Variants in PIWIL1 observed in about 807,000 individuals in gnomAD.
PIWIL1 encodes the protein piwi like RNA-mediated gene silencing 1, also known as piwi-like protein 1.
Under a neutral mutation model 114.4 loss-of-function variants are expected in PIWIL1, and 73 were observed. That is an observed-to-expected ratio of 0.64 (90% CI 0.53 to 0.78). The LOEUF (loss-of-function observed/expected upper bound fraction) is 0.78, where lower values mean the gene tolerates loss of function less well. PIWIL1 is among the 30% of genes least tolerant of loss of function. The probability of loss-of-function intolerance (pLI) is 0.00; values close to 1 mark genes in which losing one functional copy is unlikely to be tolerated. For missense variants in PIWIL1, 723 were observed against 1,063.1 expected (o/e 0.68, Z 4.45); for synonymous variants, 375 against 369.0 (o/e 1.02, Z -0.19).
At position 130,345,780 on chromosome 12, in the gene PIWIL1, A is replaced by G; in HGVS notation, c.218A>G (p.Glu73Gly). ...CTCCAGATATCTGCTGGATTTCAGG[A>G]GTTATCGTTAGCAGAGAGAGGAGGT... ...QGLQISAGFQ[E>G]LSLAERGGRR... Residue 73 changes from glutamate (E) to glycine (G), a missense_variant, in exon 4 of 21, where the codon GAG becomes GGG. By Grantham distance (98) the Glu-to-Gly change is moderately conservative. This residue lies in a region of PIWIL1 where 190 missense variants were observed against 294.4 expected (regional missense o/e 0.65). Transcript: ENST00000245255. 1 of 1,614,012 alleles carries G rather than the reference A, an allele frequency of 6.2e-7. No individual in the cohort carries two copies.
At chr12:130,410,911 C>T in the PIWIL1 span, among the ~76,000 whole-genome samples, 1 of 152,194 alleles carries the variant, frequency 6.6e-6, no homozygotes, top group Non-Finnish European at 1.5e-5. Context: ...GCACAGATTT[C>T]GAATGGTCTT....
chr12:130,365,984 T>C (rs2073644888), intron 18 of PIWIL1, among the ~76,000 whole-genome samples: 1 of 152,234 alleles, frequency 6.6e-6, no homozygotes, highest in East Asian at 1.9e-4. Context: ...CTCTGCTTAC[T>C]CAAGTACTCT....
the PIWIL1 span, among the ~76,000 whole-genome samples, chr12:130,415,268 A>G: frequency 6.6e-6 from 1 of 152,226 alleles, no homozygotes; most frequent in Non-Finnish European, 1.5e-5. Flanking sequence ...AATAAATATG[A>G]TTCACCACAG....
the PIWIL1 span, among the ~76,000 whole-genome samples, chr12:130,389,997 A>G: frequency 9.9e-5 from 15 of 152,226 alleles, no homozygotes; most frequent in Admixed American, 8.5e-4. Flanking sequence ...TCCACTTAGT[A>G]GCCAGGGTTA....
rs776280494 is a variant in PIWIL1 at position 130,346,922 on chromosome 12, T to C, written c.532-19T>C. 2 of 1,605,720 alleles carry C rather than the reference T, an allele frequency of 1.2e-6. No individual in the cohort carries two copies. The highest frequency in any genetic ancestry group is 1.1e-5 in the South Asian group (1 of 88,508). Reference sequence around the variant, plus strand: ...CTTTAAGGATTTAAAGTTTGGGTTTTCCACCTCTCTGGCTTCAGGTTACTG... The same window carrying C: ...CTTTAAGGATTTAAAGTTTGGGTTTCCCACCTCTCTGGCTTCAGGTTACTG... On this transcript the variant is annotated intron_variant, in intron 5 of 20. Transcript: ENST00000245255.
At chr12:130,403,129 C>G in the PIWIL1 span, among the ~76,000 whole-genome samples, 1 of 152,066 alleles carries the variant, frequency 6.6e-6, no homozygotes, top group African/African-American at 2.4e-5. Flanking sequence ...TTCGCTCTCT[C>G]GAGATGTTTA....
At chr12:130,407,191 G>T in the PIWIL1 span, among the ~76,000 whole-genome samples, 5 of 152,270 alleles carry the variant, frequency 3.3e-5, no homozygotes, top group South Asian at 4.1e-4. Context: ...GTGTAACATG[G>T]GTTCACATAC....
At chr12:130,412,572 T>C in the PIWIL1 span, 1 of 1,570,118 alleles carries the variant, frequency 6.4e-7, no homozygotes, top group Non-Finnish European at 8.7e-7. Context: ...GCAGGTGTTT[T>C]GTGGGATAAA....
At chr12:130,408,375 C>G in the PIWIL1 span, among the ~76,000 whole-genome samples, 1 of 152,224 alleles carries the variant, frequency 6.6e-6, no homozygotes, top group Admixed American at 6.5e-5. Context: ...AGCCCAGTGG[C>G]TTCCCTCATG....
At chr12:130,340,503 A>C (rs2072879653) in intron 1 of PIWIL1, among the ~76,000 whole-genome samples, 3 of 151,628 alleles carry the variant, frequency 2.0e-5, no homozygotes, top group African/African-American at 7.3e-5. Context: ...TCCTAGGAGA[A>C]TCTAATGCCT....
At chr12:130,422,489 G>C in the PIWIL1 span, 1 of 1,613,208 alleles carries the variant, frequency 6.2e-7, no homozygotes, top group Non-Finnish European at 8.5e-7. This position sits in a 1 kb window ranked among gnomAD's most constrained non-coding sequence, Gnocchi z 5.2. Context: ...GACCTCTGAG[G>C]ACCAGCGCTG....
intron 13 of PIWIL1, 151 bp downstream of exon 13, chr12:130,357,256 T>C: frequency 1.4e-6 from 1 of 732,544 alleles, no homozygotes; most frequent in East Asian, 2.7e-5. Context: ...TTTTAATAAC[T>C]AAGAATGGGT....
At chr12:130,422,767 A>G in the PIWIL1 span, among the ~76,000 whole-genome samples, 2 of 152,200 alleles carry the variant, frequency 1.3e-5, no homozygotes, top group Non-Finnish European at 2.9e-5. The surrounding 1 kb of genome is among the most constrained non-coding windows in gnomAD (Gnocchi z 5.2). Flanking sequence ...TGCTGGGCGC[A>G]TGGTGGGGTG....
At chr12:130,342,381 A>G in intron 1 of PIWIL1, 199 bp from the exon 2 acceptor site, 3 of 585,364 alleles carry the variant, frequency 5.1e-6, no homozygotes, top group Non-Finnish European at 6.2e-6. Flanking sequence ...TGCAGTGCCC[A>G]GTGCAAGGTA....
At chr12:130,344,518 C>G (rs923897245) in intron 3 of PIWIL1, among the ~76,000 whole-genome samples, 1 of 152,116 alleles carries the variant, frequency 6.6e-6, no homozygotes, top group Non-Finnish European at 1.5e-5. Context: ...AATTGACACT[C>G]ATATTAAATA....
chr12:130,362,907 T>G, intron 17 of PIWIL1, 71 bp downstream of exon 17: 1 of 1,610,542 alleles, frequency 6.2e-7, no homozygotes, highest in Non-Finnish European at 8.5e-7. Flanking sequence ...TGAACTGTGT[T>G]ATTGATGGGC....
intron 19 of PIWIL1, among the ~76,000 whole-genome samples, chr12:130,367,953 A>T (rs891592997): frequency 1.3e-5 from 2 of 152,114 alleles, no homozygotes; most frequent in African/African-American, 2.4e-5. Context: ...ATGCACCACC[A>T]TGCCGAGCTA....
chr12:130,402,396 G>A, the PIWIL1 span, among the ~76,000 whole-genome samples: 50 of 152,084 alleles, frequency 3.3e-4, no homozygotes, highest in Admixed American at 3.2e-3. Context: ...CAGAACGCTG[G>A]ATAAGATCAT....
intron 19 of PIWIL1, among the ~76,000 whole-genome samples, chr12:130,368,327 T>C (rs900805715): frequency 1.3e-5 from 2 of 152,174 alleles, no homozygotes; most frequent in African/African-American, 4.8e-5. Context: ...AAAGTTGACA[T>C]GTGGAACACT....
Sources: allele counts gnomAD v4.1 joint callset (sites outside exome capture counted in the v4.1 genomes callset), GRCh38; gene constraint gnomAD v4.1.1; regional missense constraint gnomAD v4.1.1; non-coding constraint Gnocchi (gnomAD v3.1); transcripts MANE v1.5; gene names NCBI Gene and HGNC (gene_info 2026-07-23, HGNC 2026-07-21).